NAT10: variants seen among roughly 807,000 people sequenced by gnomAD.
NAT10 encodes the protein N-acetyltransferase 10.
In NAT10, 109 loss-of-function variants were observed where a neutral mutation model predicts 132.2. That is an observed-to-expected ratio of 0.82 (90% CI 0.71 to 0.97). The LOEUF (loss-of-function observed/expected upper bound fraction) is 0.97, where lower values mean the gene tolerates loss of function less well. NAT10 is among the 50% of genes least tolerant of loss of function. NAT10 has a pLI of 0.00. For missense variants in NAT10, 1,184 were observed against 1,263.4 expected (o/e 0.94, Z 0.95); for synonymous variants, 479 against 478.0 (o/e 1.00, Z -0.03).
In NAT10 at chr11:34,112,105, T is replaced by C. The variant is rs1445393998; in HGVS notation, c.254T>C (p.Leu85Pro). 1 of 1,614,176 alleles carries C rather than the reference T, an allele frequency of 6.2e-7. No individual in the cohort carries two copies. Residue 85 changes from leucine (L) to proline (P), a missense_variant, in exon 4 of 29, where the codon CTG becomes CCG. Transcript: ENST00000257829. ...CAGAAGAAAATAAAGAATGGAACAC[T>C]GAACATAAAGCAGGACGACCCCTTT... ...QLQKKIKNGT[L>P]NIKQDDPFEL...
At chr11:34,112,268 G>T in intron 4 of NAT10, 45 bp downstream of exon 4, 1 of 1,611,142 alleles carries the variant, frequency 6.2e-7, no homozygotes, top group Non-Finnish European at 8.5e-7. Flanking sequence ...GAGTCTTGAG[G>T]GTTGCTTGGG....
At chr11:34,130,707 A>T in intron 12 of NAT10, 106 bp from the exon 13 acceptor site, 1 of 1,384,810 alleles carries the variant, frequency 7.2e-7, no homozygotes. Context: ...GTCCTGGGGG[A>T]AGCAGGGGTC....
At position 34,108,757 on chromosome 11, in the gene NAT10, C is replaced by T. The variant is rs1565105246; in HGVS notation, c.124C>T (p.His42Tyr). 1 of 1,612,726 alleles carries T rather than the reference C, an allele frequency of 6.2e-7. No individual in the cohort carries two copies. Among genetic ancestry groups the T allele is most frequent in the Non-Finnish European group, 8.5e-7 (1 of 1,179,620 alleles). ...RGKDQVVILH[H>Y]MLSKATVKAR... ...TGTTTGGCAGGTGGTAATACTTCATCACATGTTATCCAAAGCAACTGTGAA... is the reference window on the plus strand; with the variant it reads ...TGTTTGGCAGGTGGTAATACTTCATTACATGTTATCCAAAGCAACTGTGAA... The change falls in exon 3 of 29, where the codon CAC (histidine) becomes TAC (tyrosine). Residue 42 changes from histidine (H) to tyrosine (Y), a missense_variant. Coordinates refer to ENST00000257829, the MANE Select transcript of NAT10 (RefSeq NM_024662.3).
intron 11 of NAT10, among the ~76,000 whole-genome samples, chr11:34,124,936 C>CT (rs1453213774): frequency 6.6e-6 from 1 of 152,192 alleles, no homozygotes; most frequent in African/African-American, 2.4e-5. Flanking sequence ...TGCTAAATCT[C>CT]TAAGAGAGGC....
intron 8 of NAT10, among the ~76,000 whole-genome samples, chr11:34,121,388 C>T (rs778075306): frequency 2.6e-5 from 4 of 152,016 alleles, no homozygotes; most frequent in South Asian, 2.1e-4. Flanking sequence ...TAACAGGATT[C>T]GCTGACGAAT....
In NAT10 at chr11:34,124,291, C is replaced by G. The variant is rs1480945140; in HGVS notation, c.1009-11C>G. 4 of 1,583,870 alleles carry G rather than the reference C, an allele frequency of 2.5e-6. No individual in the cohort carries two copies. The Admixed American group carries it at 6.9e-5, about 27-fold the overall frequency. On this transcript the variant is annotated splice_polypyrimidine_tract_variant and intron_variant, in intron 10 of 28. Transcript: ENST00000257829. Reference sequence around the variant, plus strand: ...TTTCTAAAGTTTGTCATTGGTTTGACTCCCCACCAGGAACATCTGGATTAT... The same window carrying G: ...TTTCTAAAGTTTGTCATTGGTTTGAGTCCCCACCAGGAACATCTGGATTAT...
At chr11:34,115,927 G>A (rs1488588731) in intron 6 of NAT10, 43 bp downstream of exon 6, 3 of 1,597,826 alleles carry the variant, frequency 1.9e-6, no homozygotes, top group Non-Finnish European at 8.6e-7. Context: ...GCCACATTGG[G>A]AGGGACATTT....
intron 6 of NAT10, among the ~76,000 whole-genome samples, chr11:34,117,853 A>G (rs1259802621): frequency 1.3e-5 from 2 of 152,086 alleles, no homozygotes; most frequent in Non-Finnish European, 2.9e-5. Flanking sequence ...GATGGCCTGA[A>G]ACACCTCAGT....
Position 34,142,359 on chromosome 11 carries a change from T to C in NAT10, c.2885+11T>C, listed in dbSNP as rs764464400. On this transcript the variant is annotated intron_variant, in intron 27 of 28. Coordinates refer to ENST00000257829, the MANE Select transcript of NAT10 (RefSeq NM_024662.3). ...CATGGACCTCTCTGAGTAAGGCTTGTGGGAAGCAGAGGGTTTGCCTTGGCT... is the reference window on the plus strand; with the variant it reads ...CATGGACCTCTCTGAGTAAGGCTTGCGGGAAGCAGAGGGTTTGCCTTGGCT... 3 of 1,613,540 alleles carry C rather than the reference T, an allele frequency of 1.9e-6. No homozygotes were observed. The highest frequency in any genetic ancestry group is 2.5e-6 in the Non-Finnish European group (3 of 1,179,514).
rs770802466 is a variant in NAT10, at chr11:34,135,237, T to A, written c.1974T>A (p.Cys658Ter). The change falls in exon 19 of 29, where the codon TGT (cysteine) becomes TGA (stop). Residue 658 changes from cysteine to a stop codon, truncating the protein, a stop_gained. Transcript: ENST00000257829. LOFTEE classifies it high-confidence loss of function. The stretch of plus-strand genomic sequence containing the variant: ...TGTACTATGAAGGCAGGTTTCCTTG[T>A]CTGGAGGAAAAGGTCCTTGAGACAC... ...LQMYYEGRFP[C>*]LEEKVLETPQ... 3 of 1,614,160 alleles carry A rather than the reference T, an allele frequency of 1.9e-6. No homozygotes were observed. The South Asian group carries it at 3.3e-5, about 18-fold the overall frequency.
chr11:34,146,444 G>T lies in NAT10; in HGVS notation c.*252G>T, dbSNP rs1316045854. The T allele has an allele frequency of 2.6e-6, 1 of 385,786 alleles. No individual in the cohort carries two copies. Among genetic ancestry groups the T allele is most frequent in the Admixed American group, 4.4e-5 (1 of 22,842 alleles). The allele number at this position is 385,786 out of a possible 1,614,324, so 23.9% of individuals were successfully genotyped here. On this transcript the variant is annotated 3_prime_UTR_variant, in exon 29 of 29. Coordinates refer to ENST00000257829, the MANE Select transcript of NAT10 (RefSeq NM_024662.3). ...AATTGCCACGAGTCTCTCTCTTCCT[G>T]CCCAGTCCAGGGCCCTCCTTTCCTA...
chr11:34,142,408 A>G (rs1199525314), intron 27 of NAT10, 60 bp downstream of exon 27: 1 of 1,463,092 alleles, frequency 6.8e-7, no homozygotes, highest in Non-Finnish European at 9.6e-7. Flanking sequence ...GAATCTGCCT[A>G]CACGTTTCTT....
At chr11:34,127,415 G>A (rs1852015211) in intron 11 of NAT10, 48 bp from the exon 12 acceptor site, 4 of 1,543,750 alleles carry the variant, frequency 2.6e-6, no homozygotes, top group East Asian at 2.4e-5. Flanking sequence ...AATCACAGCT[G>A]TGACATGAGT....
Position 34,140,485 on chromosome 11 carries a change from T to TC in NAT10, c.2506dup (p.His836ProfsTer40), listed in dbSNP as rs761184678. On this transcript the variant is annotated frameshift_variant, in exon 24 of 29. Transcript: ENST00000257829. LOFTEE classifies it high-confidence loss of function. ...TGTATTCACGGAATATGGTGGACTA[T>TC]CACCTCATCATGGACATGATCCCGG... 6.2e-7 allele frequency: 1 copy of TC among 1,614,182 alleles called. No homozygotes were observed.
chr11:34,135,390 C>T, intron 19 of NAT10, 99 bp downstream of exon 19: 1 of 904,412 alleles, frequency 1.1e-6, no homozygotes, highest in Non-Finnish European at 1.8e-6. Context: ...GAGCTTTGGA[C>T]CCCTCTCTCA....
In NAT10 at chr11:34,135,219, T is replaced by C; in HGVS notation, c.1956T>C (p.Tyr652=). Residue 652 remains tyrosine, a synonymous_variant, in exon 19 of 29, where the codon TAT becomes TAC. Coordinates refer to ENST00000257829, the MANE Select transcript of NAT10 (RefSeq NM_024662.3). ...SRALQLLQMY[Y]EGRFPCLEEK... ...CTCTGCAGCTGCTGCAGATGTACTA[T>C]GAAGGCAGGTTTCCTTGTCTGGAGG... 1.2e-6 allele frequency: 2 copies of C among 1,614,198 alleles called. No individual in the cohort carries two copies. Among genetic ancestry groups the C allele is most frequent in the Middle Eastern group, 1.6e-4 (1 of 6,062 alleles).
chr11:34,124,398 C>A lies in NAT10; in HGVS notation c.1105C>A (p.Gln369Lys). 1 of 1,611,962 alleles carries A rather than the reference C, an allele frequency of 6.2e-7. No homozygotes were observed. Among genetic ancestry groups the A allele is most frequent in the South Asian group, 1.1e-5 (1 of 90,952 alleles). ...NVFREHRQTI[Q>K]YIHPADAVKL... ...ATTTCGAGAACACAGGCAGACTATT[C>A]AGGTGAGGCTTGTTCTCAGACCCTG... Residue 369 changes from glutamine to lysine, a missense_variant and splice_region_variant, in exon 11 of 29, where the codon CAG (glutamine) becomes AAG (lysine). Coordinates refer to ENST00000257829, the MANE Select transcript of NAT10 (RefSeq NM_024662.3).
In NAT10 at chr11:34,122,531, G is replaced by T. The variant is rs939710595; in HGVS notation, c.853G>T (p.Ala285Ser). 1.9e-6 allele frequency: 3 copies of T among 1,614,096 alleles called. No homozygotes were observed. In the African/African-American group the frequency reaches 4.0e-5, roughly 22 times the overall value. ...TLRSTVALTA[A>S]RGRGKSAALG... ...GAGGAGTACTGTTGCACTCACAGCT[G>T]CTCGAGGACGGGGAAAATCTGCAGC... is the stretch of plus-strand genomic sequence containing the variant. The change falls in exon 9 of 29, where the codon GCT becomes TCT. Residue 285 changes from alanine to serine, a missense_variant. Transcript: ENST00000257829.
rs200618325 is a variant in NAT10, at chr11:34,141,184, C to T, written c.2688C>T (p.Asn896=). Residue 896 remains asparagine, a synonymous_variant, in exon 25 of 29, where the codon AAC becomes AAT. Coordinates refer to ENST00000257829, the MANE Select transcript of NAT10 (RefSeq NM_024662.3). ...LPSGQLMGLF[N]RIIRKVVKLF... The stretch of plus-strand genomic sequence containing the variant: ...CGGGCCAGTTGATGGGACTTTTCAA[C>T]CGGATCATCCGCAAAGTTGTGAAGG... 36 of 1,614,018 alleles carry T rather than the reference C, an allele frequency of 2.2e-5. No homozygotes were observed. In the East Asian group the frequency reaches 7.8e-4, roughly 35 times the overall value.
Sources: allele counts gnomAD v4.1 joint callset (sites outside exome capture counted in the v4.1 genomes callset), GRCh38; gene constraint gnomAD v4.1.1; transcripts MANE v1.5; gene names NCBI Gene and HGNC (gene_info 2026-07-23, HGNC 2026-07-21).